ELP3: variants seen among roughly 807,000 people sequenced by gnomAD.
The protein encoded by ELP3 is elongator acetyltransferase complex subunit 3, also known as elongator complex protein 3.
In ELP3, 56 loss-of-function variants were observed where a neutral mutation model predicts 74.9. The observed-to-expected ratio is 0.75, with a 90% confidence interval of 0.60 to 0.93. The LOEUF is 0.93. Among genes scored for constraint, ELP3 ranks in the 40% least tolerant of loss-of-function variants. The pLI is 0.00. For missense variants in ELP3, 573 were observed against 686.5 expected (o/e 0.83, Z 1.85); for synonymous variants, 222 against 239.8 (o/e 0.93, Z 0.68).
At chr8:28,101,608 C>G (rs62500862) in intron 3 of ELP3, among the ~76,000 whole-genome samples, 3 of 143,564 alleles carry the variant, frequency 2.1e-5, no homozygotes, top group African/African-American at 7.9e-5. Flanking sequence ...TTTTTTTTAC[C>G]TGAGACAGTC....
At chr8:28,179,357 A>G (rs897536554) in intron 14 of ELP3, among the ~76,000 whole-genome samples, 7 of 152,212 alleles carry the variant, frequency 4.6e-5, no homozygotes, top group Non-Finnish European at 1.0e-4. Flanking sequence ...TAGTTTGCAC[A>G]CATTGTTTTC....
chr8:28,102,658 C>T (rs1330403857), intron 3 of ELP3, among the ~76,000 whole-genome samples: 3 of 152,210 alleles, frequency 2.0e-5, no homozygotes, highest in African/African-American at 7.2e-5. Context: ...CTTCCTCTAG[C>T]ACCTTCACCC....
chr8:28,189,737 G>A lies in ELP3; in HGVS notation c.*12G>A, dbSNP rs1441082168. 2 of 1,612,466 alleles carry A rather than the reference G, an allele frequency of 1.2e-6. No homozygotes were observed. Among genetic ancestry groups the A allele is most frequent in the African/African-American group, 2.7e-5 (2 of 74,884 alleles). On this transcript the variant is annotated 3_prime_UTR_variant, in exon 15 of 15. Coordinates refer to ENST00000256398, the MANE Select transcript of ELP3 (RefSeq NM_018091.6). ...AGATGCTGAAATAATGGCCACACCA[G>A]TCCACTCTTCTGCAGTATCCTCCCT...
intron 7 of ELP3, among the ~76,000 whole-genome samples, chr8:28,125,461 G>A (rs1585673623): frequency 6.6e-6 from 1 of 152,176 alleles, no homozygotes; most frequent in Non-Finnish European, 1.5e-5. Context: ...TGAAAGAGGA[G>A]CTGCCACGAA....
chr8:28,151,818 A>C lies in ELP3; in HGVS notation c.1101-4124A>C, dbSNP rs189633648. On this transcript the variant is annotated intron_variant, in intron 10 of 14. Transcript: ENST00000256398. ...AAAAGCAGTGCTAGGTCATGTTTCA[A>C]AATGGTTTCTTTTCCCCTCTCCCAG... Among the ~76,000 whole-genome samples, 873 of 152,294 alleles carry C rather than the reference A, an allele frequency of 5.7e-3. 6 individuals carry two copies. The highest frequency in any genetic ancestry group is 8.5e-3 in the Non-Finnish European group (576 of 68,016).
At chr8:28,160,486 C>G (rs1316403936) in intron 13 of ELP3, 30 bp downstream of exon 13, 1 of 1,585,806 alleles carries the variant, frequency 6.3e-7, no homozygotes, top group African/African-American at 1.3e-5. Flanking sequence ...TATTTGACTT[C>G]TAAGAAACTG....
rs75250006 is a variant in ELP3, at chr8:28,178,700, T to C, written c.1568-10949T>C. Reference sequence around the variant, plus strand: ...CAATTGCTGGGTTGTAGAGAGTACATAGATTTAGCTGAGGATTCTGCCAAG... The same window carrying C: ...CAATTGCTGGGTTGTAGAGAGTACACAGATTTAGCTGAGGATTCTGCCAAG... On this transcript the variant is annotated intron_variant, in intron 14 of 14. Transcript: ENST00000256398. 4.8e-3 allele frequency among the ~76,000 whole-genome samples: 729 copies of C among 152,314 alleles called. 6 individuals carry two copies. The highest frequency in any genetic ancestry group is 0.016 in the African/African-American group (674 of 41,570).
intron 7 of ELP3, among the ~76,000 whole-genome samples, chr8:28,124,910 A>G (rs1812513211): frequency 6.6e-6 from 1 of 152,206 alleles, no homozygotes; most frequent in Admixed American, 6.5e-5. Context: ...ATAGAACCTC[A>G]TGATATAACC....
chr8:28,169,769 G>A (rs1814446609), intron 14 of ELP3, among the ~76,000 whole-genome samples: 1 of 152,196 alleles, frequency 6.6e-6, no homozygotes, highest in South Asian at 2.1e-4. Context: ...TAGTCAAGGT[G>A]TCAGCTGGGG....
intron 14 of ELP3, among the ~76,000 whole-genome samples, chr8:28,189,178 G>A (rs1815357815): frequency 6.6e-6 from 1 of 152,226 alleles, no homozygotes; most frequent in Admixed American, 6.5e-5. Flanking sequence ...CGCTACTGGG[G>A]CTGAGTGGAG....
intron 7 of ELP3, among the ~76,000 whole-genome samples, chr8:28,121,780 C>T (rs1458583173): frequency 6.6e-6 from 1 of 152,204 alleles, no homozygotes; most frequent in Non-Finnish European, 1.5e-5. Flanking sequence ...ATCATGTCAT[C>T]TGCAAGTACA....
intron 3 of ELP3, 128 bp from the exon 4 acceptor site, chr8:28,106,585 A>G (rs1811704538): frequency 1.8e-6 from 1 of 568,626 alleles, no homozygotes; most frequent in African/African-American, 2.0e-5. Flanking sequence ...AGCCTCGTCA[A>G]TACCTTTGAA....
Position 28,099,911 on chromosome 8 carries a change from A to G in ELP3, c.203A>G (p.Tyr68Cys), listed in dbSNP as rs780231076. 8 of 1,614,066 alleles carry G rather than the reference A, an allele frequency of 5.0e-6. No homozygotes were observed. The African/African-American group carries it at 8.0e-5, about 16-fold the overall frequency. Reference sequence around the variant, plus strand: ...ATCATTGCTGCCGTCCCTCCTCAGTATCGCAAGGTCTTGATGCCCAAGTTA... The same window carrying G: ...ATCATTGCTGCCGTCCCTCCTCAGTGTCGCAAGGTCTTGATGCCCAAGTTA... ...VDIIAAVPPQYRKVLMPKLKA... is the reference protein window; with the variant it reads ...VDIIAAVPPQCRKVLMPKLKA... Residue 68 changes from tyrosine (Y) to cysteine (C), a missense_variant, in exon 3 of 15, where the codon TAT (tyrosine) becomes TGT (cysteine). By Grantham distance (194) the Tyr-to-Cys change is radical. Coordinates refer to ENST00000256398, the MANE Select transcript of ELP3 (RefSeq NM_018091.6).
chr8:28,135,177 C>G (rs919114824), intron 9 of ELP3, among the ~76,000 whole-genome samples: 1 of 152,228 alleles, frequency 6.6e-6, no homozygotes, highest in Non-Finnish European at 1.5e-5. Flanking sequence ...ATCCGCCCGC[C>G]TCTGCCTCCC....
intron 9 of ELP3, among the ~76,000 whole-genome samples, chr8:28,132,770 T>TAAC (rs1812829485): frequency 1.3e-5 from 2 of 152,236 alleles, no homozygotes; most frequent in African/African-American, 4.8e-5. Flanking sequence ...GTTAACATGT[T>TAAC]AACATATTTA....
rs1232363243 is a variant in ELP3, at chr8:28,129,496, C to G, written c.618-6C>G. ...ACAGGTTAATTATTTTAGATTTGCTCTACAGGTATTCTGAGAGAAGCCTCA... is the reference window on the plus strand; with the variant it reads ...ACAGGTTAATTATTTTAGATTTGCTGTACAGGTATTCTGAGAGAAGCCTCA... On this transcript the variant is annotated splice_polypyrimidine_tract_variant and splice_region_variant and intron_variant, in intron 7 of 14. Transcript: ENST00000256398. 1.2e-6 allele frequency: 2 copies of G among 1,613,898 alleles called. No individual in the cohort carries two copies. Among genetic ancestry groups the G allele is most frequent in the Non-Finnish European group, 1.7e-6 (2 of 1,179,936 alleles).
chr8:28,149,898 T>C (rs1015738816), intron 10 of ELP3, among the ~76,000 whole-genome samples: 2 of 152,212 alleles, frequency 1.3e-5, no homozygotes, highest in Admixed American at 1.3e-4. Context: ...TAATTAAGCA[T>C]TATGTATTAT....
At chr8:28,107,785 T>G (rs1012637590) in intron 4 of ELP3, 128 bp from the exon 5 acceptor site, 2 of 669,358 alleles carry the variant, frequency 3.0e-6, no homozygotes, top group African/African-American at 3.6e-5. Flanking sequence ...AAAGGTAGAT[T>G]CTTCTGTTAG....
In ELP3 at chr8:28,156,040, CA is replaced by C; in HGVS notation, c.1191+11del. 1 of 1,609,622 alleles carries C rather than the reference CA, an allele frequency of 6.2e-7. No homozygotes were observed. The highest frequency in any genetic ancestry group is 8.5e-7 in the Non-Finnish European group (1 of 1,176,236). On this transcript the variant is annotated intron_variant, in intron 11 of 14. Transcript: ENST00000256398. ...AAAGACCTCGGAATACAGGTAAGAG[CA>C]AATATGGCGGTCAGGCCACAACTGT...
Sources: gnomAD v4.1 joint callset for allele counts (sites outside exome capture counted in the v4.1 genomes callset) on GRCh38, gnomAD v4.1.1 for gene constraint, MANE v1.5 for transcripts, NCBI Gene and HGNC (gene_info 2026-07-23, HGNC 2026-07-21) for gene names.